The following GLIS3 variants were observed in gnomAD, a reference collection of about 807,000 sequenced individuals.
GLIS3 encodes zinc finger protein GLIS3.
A neutral mutation model predicts 78.6 loss-of-function variants in GLIS3; 53 were observed. That is an observed-to-expected ratio of 0.67 (90% CI 0.54 to 0.85). The LOEUF is 0.85. Among genes scored for constraint, GLIS3 ranks in the 40% least tolerant of loss-of-function variants. GLIS3 has a pLI of 0.00. For synonymous variants in GLIS3, 684 were observed against 509.9 expected, an observed-to-expected ratio of 1.34 and a Z score of -4.60; for missense variants, 1,703 against 1,231.1, an observed-to-expected ratio of 1.38 and a Z score of -5.74.
At chr9:4,451,046 G>C in the GLIS3 span, among the ~76,000 whole-genome samples, 1 of 152,116 alleles carries the variant, frequency 6.6e-6, no homozygotes, top group Non-Finnish European at 1.5e-5. Context: ...TAAAAGGCAA[G>C]TACTGGCATA....
chr9:4,130,978 C>T lies in GLIS3; in HGVS notation c.389-5037G>A, dbSNP rs191897472. 4.7e-4 allele frequency among the ~76,000 whole-genome samples: 71 copies of T among 152,328 alleles called. 1 individual carries two copies. The highest frequency in any genetic ancestry group is 1.6e-3 in the African/African-American group (66 of 41,580). The stretch of plus-strand genomic sequence containing the variant: ...CAGAGCTGCCCAAGGCCTTAGGAGC[C>T]CACCTCTTGCACCAGTGTGGCCTGG... On this transcript the variant is annotated intron_variant, in intron 2 of 10. Coordinates refer to ENST00000381971, the MANE Select transcript of GLIS3 (RefSeq NM_001042413.2).
upstream of GLIS3, among the ~76,000 whole-genome samples, chr9:4,352,010 C>T (rs968951789): frequency 6.6e-6 from 1 of 152,306 alleles, no homozygotes; most frequent in African/African-American, 2.4e-5. Context: ...AGTAAATAAG[C>T]AAGATCAATT....
intron 4 of GLIS3, among the ~76,000 whole-genome samples, chr9:4,024,424 G>C (rs1434601475): frequency 2.0e-5 from 3 of 152,094 alleles, no homozygotes; most frequent in Admixed American, 6.5e-5. Context: ...ACTTATTCTT[G>C]AATCAGCCCC....
chr9:4,072,216 G>C (rs1588603221), intron 4 of GLIS3, among the ~76,000 whole-genome samples: 1 of 152,260 alleles, frequency 6.6e-6, no homozygotes, highest in South Asian at 2.1e-4. Flanking sequence ...CTTTCTTAGA[G>C]GTCACCTTGA....
chr9:3,848,225 G>A (rs1819180105), intron 9 of GLIS3, among the ~76,000 whole-genome samples: 1 of 152,210 alleles, frequency 6.6e-6, no homozygotes, highest in Non-Finnish European at 1.5e-5. Context: ...TCTAGGCCGG[G>A]CATGGTGGCT....
chr9:4,256,437 A>C (rs901071138), intron 2 of GLIS3, among the ~76,000 whole-genome samples: 5 of 152,226 alleles, frequency 3.3e-5, no homozygotes, highest in African/African-American at 4.8e-5. Flanking sequence ...AAAGACATCT[A>C]ATTTTTCACC....
At chr9:4,333,007 G>T (rs1198242045) in intron 2 of GLIS3, among the ~76,000 whole-genome samples, 1 of 152,212 alleles carries the variant, frequency 6.6e-6, no homozygotes, top group Admixed American at 6.5e-5. Context: ...TGCTTACTCT[G>T]ACAGCTGCTT....
chr9:4,083,903 A>G (rs1828770579), intron 4 of GLIS3, among the ~76,000 whole-genome samples: 1 of 152,170 alleles, frequency 6.6e-6, no homozygotes, highest in South Asian at 2.1e-4. Flanking sequence ...ATAAAAGCCA[A>G]CGCATGTAGA....
the GLIS3 span, among the ~76,000 whole-genome samples, chr9:4,448,002 T>A: frequency 6.6e-6 from 1 of 152,208 alleles, no homozygotes; most frequent in Non-Finnish European, 1.5e-5. Context: ...TCCTCCCAAG[T>A]CAGCTTCCCG....
At chr9:4,480,329 C>G in the GLIS3 span, among the ~76,000 whole-genome samples, 1 of 151,328 alleles carries the variant, frequency 6.6e-6, no homozygotes, top group Admixed American at 6.6e-5. Flanking sequence ...CTCAGCCTCC[C>G]AAGCAGCTGG....
intron 7 of GLIS3, among the ~76,000 whole-genome samples, chr9:3,892,161 G>A (rs1048553332): frequency 3.9e-5 from 6 of 152,052 alleles, no homozygotes; most frequent in Admixed American, 1.3e-4. Context: ...CAGGACATGA[G>A]CAGCTAAGTT....
chr9:4,106,321 T>C (rs1352662640), intron 4 of GLIS3, among the ~76,000 whole-genome samples: 1 of 152,180 alleles, frequency 6.6e-6, no homozygotes, highest in African/African-American at 2.4e-5. Flanking sequence ...ATGATTTTTT[T>C]TTATTGTCGC....
chr9:4,392,383 C>G, the GLIS3 span, among the ~76,000 whole-genome samples: 1 of 152,044 alleles, frequency 6.6e-6, no homozygotes, highest in East Asian at 1.9e-4. Flanking sequence ...GCACATGTAT[C>G]CTGGAACTTA....
intron 4 of GLIS3, among the ~76,000 whole-genome samples, chr9:4,026,550 G>C (rs1011228857): frequency 3.3e-5 from 5 of 151,992 alleles, no homozygotes; most frequent in Non-Finnish European, 7.4e-5. Flanking sequence ...ATCTATCTAA[G>C]TATACATATA....
At chr9:4,325,479 T>G (rs892974135) in intron 2 of GLIS3, among the ~76,000 whole-genome samples, 8 of 152,232 alleles carry the variant, frequency 5.3e-5, no homozygotes, top group African/African-American at 9.6e-5. Flanking sequence ...AATTTTTCAC[T>G]AAGCCCACTT....
intron 4 of GLIS3, chr9:4,305,304 G>T (rs975527571): frequency 4.6e-5 from 7 of 152,214 alleles, no homozygotes; most frequent in African/African-American, 1.7e-4. Context: ...AGAAAACCTG[G>T]AATCCCAACT....
intron 4 of GLIS3, among the ~76,000 whole-genome samples, chr9:4,053,842 A>G (rs890531261): frequency 1.3e-5 from 2 of 152,188 alleles, no homozygotes; most frequent in Admixed American, 1.3e-4. Flanking sequence ...ATGTTCTTCT[A>G]AAGCTCTGCC....
At chr9:4,175,733 G>T (rs114504555) in intron 2 of GLIS3, among the ~76,000 whole-genome samples, 2 of 152,310 alleles carry the variant, frequency 1.3e-5, no homozygotes, top group African/African-American at 4.8e-5. Context: ...CTGGGAGAAG[G>T]CCCAGAGGAA....
chr9:4,483,208 A>C, the GLIS3 span, among the ~76,000 whole-genome samples: 9 of 86,760 alleles, frequency 1.0e-4, no homozygotes, highest in African/African-American at 7.4e-4. Context: ...CTTTAGGCAG[A>C]GAAATGCCGT....
Sources: gnomAD v4.1 joint callset for allele counts (sites outside exome capture counted in the v4.1 genomes callset) on GRCh38, gnomAD v4.1.1 for gene constraint, MANE v1.5 for transcripts, NCBI Gene and HGNC (gene_info 2026-07-23, HGNC 2026-07-21) for gene names.